CSMD1: variants seen among roughly 807,000 people sequenced by gnomAD.
CSMD1 encodes CUB and Sushi multiple domains 1, also known as CUB and sushi domain-containing protein 1.
A neutral mutation model predicts 417.5 loss-of-function variants in CSMD1; 213 were observed. The observed-to-expected ratio is 0.51, with a 90% confidence interval of 0.46 to 0.57. The LOEUF is 0.57. Ranked by LOEUF, CSMD1 falls within the 20% of genes least tolerant of loss-of-function variation. The pLI, the probability that CSMD1 is intolerant of heterozygous loss-of-function variation, is 0.00. For missense variants in CSMD1, 6,923 were observed against 4,529.7 expected, an observed-to-expected ratio of 1.53 and a Z score of -15.17; for synonymous variants, 2,862 against 1,736.8, an observed-to-expected ratio of 1.65 and a Z score of -16.11.
chr8:3,938,020 A>G (rs1810623808), intron 5 of CSMD1, among the ~76,000 whole-genome samples: 1 of 152,202 alleles, frequency 6.6e-6, no homozygotes, highest in East Asian at 1.9e-4. Flanking sequence ...CCCAGCATCT[A>G]ACATAAAATA....
chr8:3,801,965 C>G (rs770411723), intron 5 of CSMD1, among the ~76,000 whole-genome samples: 5 of 151,950 alleles, frequency 3.3e-5, no homozygotes, highest in Non-Finnish European at 5.9e-5. Context: ...ATAATAGGTA[C>G]AGAACATTTT....
At chr8:3,452,122 G>C (rs1461460003) in intron 12 of CSMD1, among the ~76,000 whole-genome samples, 2 of 152,146 alleles carry the variant, frequency 1.3e-5, no homozygotes, top group African/African-American at 2.4e-5. Context: ...CTGTTTGTCT[G>C]TTATTGTTTT....
intron 1 of CSMD1, among the ~76,000 whole-genome samples, chr8:4,932,949 A>G (rs923249230): frequency 6.6e-6 from 1 of 152,206 alleles, no homozygotes; most frequent in Admixed American, 6.5e-5. Context: ...CATAACATGT[A>G]TCTAGCCAAA....
chr8:3,380,363 A>G (rs1810557810), intron 18 of CSMD1, among the ~76,000 whole-genome samples: 1 of 152,288 alleles, frequency 6.6e-6, no homozygotes, highest in South Asian at 2.1e-4. Context: ...CAGAAATACC[A>G]TTTGACTCAG....
At chr8:4,161,473 G>T (rs1250472328) in intron 3 of CSMD1, among the ~76,000 whole-genome samples, 3 of 152,138 alleles carry the variant, frequency 2.0e-5, no homozygotes, top group Non-Finnish European at 4.4e-5. Context: ...CTTACTCAAG[G>T]TCATGCTGCT....
chr8:4,026,172 A>G (rs1797055293), intron 4 of CSMD1, among the ~76,000 whole-genome samples: 1 of 152,212 alleles, frequency 6.6e-6, no homozygotes, highest in Admixed American at 6.5e-5. Context: ...CACATTTACA[A>G]GAATTAGATC....
chr8:3,781,635 G>C (rs1438708671), intron 5 of CSMD1, among the ~76,000 whole-genome samples: 1 of 152,152 alleles, frequency 6.6e-6, no homozygotes, highest in African/African-American at 2.4e-5. Flanking sequence ...CCCTATAGTT[G>C]ATGATTGTCC....
intron 2 of CSMD1, among the ~76,000 whole-genome samples, chr8:4,433,451 C>G (rs1432180873): frequency 2.0e-5 from 3 of 152,154 alleles, no homozygotes; most frequent in African/African-American, 7.2e-5. Flanking sequence ...AGGCAATTCC[C>G]TGCGAGGTCA....
intron 7 of CSMD1, among the ~76,000 whole-genome samples, chr8:3,653,202 A>T (rs1317820357): frequency 6.6e-6 from 1 of 151,874 alleles, no homozygotes; most frequent in Non-Finnish European, 1.5e-5. Context: ...TTAAAATTGT[A>T]ATTATTTCCA....
intron 1 of CSMD1, among the ~76,000 whole-genome samples, chr8:4,684,055 T>G (rs1157185532): frequency 6.6e-6 from 1 of 152,236 alleles, no homozygotes; most frequent in Non-Finnish European, 1.5e-5. Context: ...ACAATTTTTG[T>G]AAGTTTAGAA....
intron 3 of CSMD1, among the ~76,000 whole-genome samples, chr8:4,225,776 T>C (rs987309636): frequency 1.4e-4 from 21 of 152,306 alleles, no homozygotes; most frequent in African/African-American, 4.8e-4. Context: ...TATTCAAATC[T>C]ATTCAGAGTG....
intron 27 of CSMD1, among the ~76,000 whole-genome samples, chr8:3,228,323 C>T (rs1798636205): frequency 1.3e-5 from 2 of 152,208 alleles, no homozygotes; most frequent in African/African-American, 2.4e-5. Flanking sequence ...CCCTAATGGG[C>T]AAGCTTCTTA....
At chr8:3,174,333 A>G (rs896775405) in intron 37 of CSMD1, among the ~76,000 whole-genome samples, 3 of 152,196 alleles carry the variant, frequency 2.0e-5, no homozygotes, top group African/African-American at 7.2e-5. Flanking sequence ...GTATCTATTA[A>G]GAATACAAAA....
chr8:4,114,106 A>T (rs1802006436), intron 3 of CSMD1, among the ~76,000 whole-genome samples: 4 of 152,236 alleles, frequency 2.6e-5, no homozygotes, highest in Admixed American at 2.6e-4. Context: ...AGAAGATGCC[A>T]TCTAGGACTT....
At chr8:4,445,465 C>A (rs982793944) in intron 2 of CSMD1, among the ~76,000 whole-genome samples, 1 of 152,176 alleles carries the variant, frequency 6.6e-6, no homozygotes, top group Non-Finnish European at 1.5e-5. Context: ...TCCAGTGAGT[C>A]ACTTAAGAAA....
At chr8:3,466,772 A>AG (rs1202720653) in intron 12 of CSMD1, among the ~76,000 whole-genome samples, 8 of 152,084 alleles carry the variant, frequency 5.3e-5, no homozygotes, top group Non-Finnish European at 1.2e-4. Context: ...GCTTTGAGTC[A>AG]AATAATATAA....
chr8:3,731,391 G>T (rs1232099192), intron 6 of CSMD1, among the ~76,000 whole-genome samples: 2 of 152,158 alleles, frequency 1.3e-5, no homozygotes, highest in African/African-American at 4.8e-5. Flanking sequence ...GAGAAATGTT[G>T]CTTGTCTTGG....
At chr8:3,591,995 C>T (rs559642829) in intron 8 of CSMD1, among the ~76,000 whole-genome samples, 24 of 151,274 alleles carry the variant, frequency 1.6e-4, no homozygotes, top group East Asian at 5.9e-4. Context: ...AGATAAAAGA[C>T]GGATGGATAG....
At chr8:3,406,313 G>A in intron 14 of CSMD1, 92 bp from the exon 15 acceptor site, 4 of 991,000 alleles carry the variant, frequency 4.0e-6, no homozygotes, top group East Asian at 2.6e-5. Context: ...AGCTTATAAA[G>A]CATTCATATA....
Sources: gnomAD v4.1 joint callset for allele counts (sites outside exome capture counted in the v4.1 genomes callset) on GRCh38, gnomAD v4.1.1 for gene constraint, MANE v1.5 for transcripts, NCBI Gene and HGNC (gene_info 2026-07-23, HGNC 2026-07-21) for gene names.